Variants in CELSR3 observed in about 807,000 individuals in gnomAD.
CELSR3 encodes the protein EGF-like protein 1.
Under a neutral mutation model 270.0 loss-of-function variants are expected in CELSR3, and 73 were observed. That is an observed-to-expected ratio of 0.27 (90% CI 0.22 to 0.33). The LOEUF (loss-of-function observed/expected upper bound fraction) is 0.33. CELSR3 is among the 10% of genes least tolerant of loss of function. The pLI, the probability that CELSR3 is intolerant of heterozygous loss-of-function variation, is 1.00. For synonymous variants in CELSR3, 1,780 were observed against 1,905.4 expected, an observed-to-expected ratio of 0.93 and a Z score of 1.71; for missense variants, 3,614 against 4,533.8, an observed-to-expected ratio of 0.80 and a Z score of 5.83.
In CELSR3 at chr3:48,640,176, G is replaced by A. The variant is rs910673857; in HGVS notation, c.9409C>T (p.Arg3137Cys). ...TCGAGCGCATCCCGTGACCCGAAGC[G>A]GCCAGCCATGGCGCCAGGGTAGTCC... is the stretch of plus-strand genomic sequence containing the variant. ...PRDYPGAMAG[R>C]FGSRDALDLG... The change falls in exon 34 of 35, where the codon CGC (arginine) becomes TGC (cysteine). Residue 3137 changes from arginine to cysteine, a missense_variant. This residue lies in a region of CELSR3 where 1,240 missense variants were observed against 1,351.7 expected (regional missense o/e 0.92). Transcript: ENST00000164024. The surrounding 1 kb of genome is among the most constrained non-coding windows in gnomAD (Gnocchi z 7.5). 8.1e-6 allele frequency: 13 copies of A among 1,612,582 alleles called. No individual in the cohort carries two copies. Among genetic ancestry groups the A allele is most frequent in the Admixed American group, 3.3e-5 (2 of 59,996 alleles).
In CELSR3 at chr3:48,651,405, C is replaced by G. The variant is rs771824795; in HGVS notation, c.6140G>C (p.Gly2047Ala). The change falls in exon 14 of 35, where the codon GGT (glycine) becomes GCT (alanine). Residue 2047 changes from glycine (G) to alanine (A), a missense_variant. Gly to Ala is a moderately conservative substitution (Grantham distance 60). This residue lies in a region of CELSR3 where 1,331 missense variants were observed against 1,933.7 expected (regional missense o/e 0.69). Transcript: ENST00000164024. This position sits in a 1 kb window ranked among gnomAD's most constrained non-coding sequence, Gnocchi z 7.4. The part of the protein sequence containing the change: ...CGPCNCDVHK[G>A]FDPNCNKTNG... ...TGTCTTGTTGCAGTTGGGATCAAAA[C>G]CTTTGTGAACATCACAGTTGCAGGG... 1.2e-6 allele frequency: 2 copies of G among 1,614,062 alleles called. No individual in the cohort carries two copies. The highest frequency in any genetic ancestry group is 1.7e-6 in the Non-Finnish European group (2 of 1,179,962).
At position 48,645,242 on chromosome 3, in the gene CELSR3, T is replaced by C; in HGVS notation, c.7798-33A>G. ...CAGGGGGGCGTGTCAGGACCTCTCC[T>C]GCCTCACCCACCTCTGACCCCTACC... On this transcript the variant is annotated intron_variant, in intron 24 of 34. Transcript: ENST00000164024. This position sits in a 1 kb window ranked among gnomAD's most constrained non-coding sequence, Gnocchi z 5.4. The C allele has an allele frequency of 1.9e-6, 3 of 1,555,326 alleles. No homozygotes were observed. The highest frequency in any genetic ancestry group is 2.6e-6 in the Non-Finnish European group (3 of 1,144,630).
In CELSR3 at chr3:48,645,905, A is replaced by G. The variant is rs529750475; in HGVS notation, c.7464-37T>C. ...GGGCAGTTAGACACAACTGTGACCC[A>G]GTGTCAGGCAGGGGTTTGTGAGAGA... On this transcript the variant is annotated intron_variant, in intron 22 of 34. Coordinates refer to ENST00000164024, the MANE Select transcript of CELSR3 (RefSeq NM_001407.3). The surrounding 1 kb of genome is among the most constrained non-coding windows in gnomAD (Gnocchi z 5.4). The G allele has an allele frequency of 6.3e-7, 1 of 1,582,008 alleles. No individual in the cohort carries two copies. The highest frequency in any genetic ancestry group is 1.7e-5 in the Admixed American group (1 of 59,040).
Position 48,645,596 on chromosome 3 carries a change from A to G in CELSR3, c.7644T>C (p.Ala2548=). The G allele has an allele frequency of 6.2e-7, 1 of 1,612,428 alleles. No homozygotes were observed. The highest frequency in any genetic ancestry group is 8.5e-7 in the Non-Finnish European group (1 of 1,179,732). Residue 2548 remains alanine, a synonymous_variant, in exon 24 of 35, where the codon GCT becomes GCC. Transcript: ENST00000164024. The surrounding 1 kb of genome is among the most constrained non-coding windows in gnomAD (Gnocchi z 5.4). Reference sequence around the variant, plus strand: ...TCAGCACCAGCGCAGCCACAGACACAGCCACGACCACGTGGGTGAACACAG... The same window carrying G: ...TCAGCACCAGCGCAGCCACAGACACGGCCACGACCACGTGGGTGAACACAG... ...LLAVFTHVVV[A]VSVAALVLTA...
rs1459410749 is a variant in CELSR3 at position 48,655,830 on chromosome 3, G to T, written c.4647C>A (p.Ser1549Arg). Residue 1549 changes from serine to arginine, a missense_variant, in exon 4 of 35, where the codon AGC (serine) becomes AGA (arginine). Ser to Arg is a moderately radical substitution (Grantham distance 110). This residue lies in a region of CELSR3 where 1,331 missense variants were observed against 1,933.7 expected (regional missense o/e 0.69). Coordinates refer to ENST00000164024, the MANE Select transcript of CELSR3 (RefSeq NM_001407.3). This position sits in a 1 kb window ranked among gnomAD's most constrained non-coding sequence, Gnocchi z 5.8. ...GGCGCCCGTTGTAGAAGAGCAGCCC[G>T]CTCTGCTGCACTGTCGCGAACCTGG... is the stretch of plus-strand genomic sequence containing the variant. ...LSLSFATVQQ[S>R]GLLFYNGRLN... 6.3e-7 allele frequency: 1 copy of T among 1,586,838 alleles called. No homozygotes were observed. Among genetic ancestry groups the T allele is most frequent in the East Asian group, 2.3e-5 (1 of 42,968 alleles).
Position 48,638,032 on chromosome 3 carries a change from G to C in CELSR3, c.*173C>G. On this transcript the variant is annotated 3_prime_UTR_variant, in exon 35 of 35. Transcript: ENST00000164024. ...TCCCCCGTCTCTGCACCTGTCACACGCATGCTCACAGATGCACATGGAGCC... is the reference window on the plus strand; with the variant it reads ...TCCCCCGTCTCTGCACCTGTCACACCCATGCTCACAGATGCACATGGAGCC... 5.0e-6 allele frequency: 3 copies of C among 601,208 alleles called. No individual in the cohort carries two copies. The highest frequency in any genetic ancestry group is 6.1e-6 in the Non-Finnish European group (2 of 325,478). The allele number at this position is 601,208 out of a possible 1,614,324, so 37.2% of individuals were successfully genotyped here.
rs1333198323 is a variant in CELSR3 at position 48,657,971 on chromosome 3, T to C, written c.3749-623A>G. ...TCCAGGGGGGTCTTGAACCCTGACA[T>C]ACACACACACACACACACACCAGCA... On this transcript the variant is annotated intron_variant, in intron 1 of 34. Coordinates refer to ENST00000164024, the MANE Select transcript of CELSR3 (RefSeq NM_001407.3). This position sits in a 1 kb window ranked among gnomAD's most constrained non-coding sequence, Gnocchi z 5.4. Among the ~76,000 whole-genome samples the C allele has an allele frequency of 1.3e-5, 2 of 149,828 alleles. No homozygotes were observed. The highest frequency in any genetic ancestry group is 6.7e-5 in the Admixed American group (1 of 15,018).
chr3:48,660,495 G>T lies in CELSR3; in HGVS notation c.2140C>A (p.Leu714Met), dbSNP rs2077058354. The part of the protein sequence containing the change: ...ATGWVSVSGP[L>M]DRESVEHYFF... ...TAATGCTCCACAGACTCACGGTCCA[G>T]GGGACCACTCACAGAGACCCAGCCA... The change falls in exon 1 of 35, where the codon CTG becomes ATG. Residue 714 changes from leucine to methionine, a missense_variant. Leu to Met is a conservative substitution (Grantham distance 15). Coordinates refer to ENST00000164024, the MANE Select transcript of CELSR3 (RefSeq NM_001407.3). This position sits in a 1 kb window ranked among gnomAD's most constrained non-coding sequence, Gnocchi z 5.5. 1.2e-6 allele frequency: 2 copies of T among 1,614,130 alleles called. No homozygotes were observed. Among genetic ancestry groups the T allele is most frequent in the East Asian group, 4.5e-5 (2 of 44,878 alleles).
chr3:48,662,503 T>C lies in CELSR3; in HGVS notation c.132A>G (p.Pro44=), dbSNP rs2077076557. 6.2e-7 allele frequency: 1 copy of C among 1,612,310 alleles called. No individual in the cohort carries two copies. The highest frequency in any genetic ancestry group is 8.5e-7 in the Non-Finnish European group (1 of 1,179,652). The change falls in exon 1 of 35, where the codon CCA becomes CCG. Residue 44 remains proline (P), a synonymous_variant. Transcript: ENST00000164024. The surrounding 1 kb of genome is among the most constrained non-coding windows in gnomAD (Gnocchi z 7.1). ...TTGGCCCCGTAGTGGCAGCTAAGCC[T>C]GGGTCCCAGCCCTGGTGCCCACCGC... ...LGGGGHQGWD[P]GLAATTGPRA...
In CELSR3 at chr3:48,638,244, T is replaced by C. The variant is rs2046990552; in HGVS notation, c.9912-12A>G. ...CACTTCTGGGAACTCTGGAGGCACA[T>C]GAGGAAATCAGAGGTTGATGCCCAG... On this transcript the variant is annotated splice_polypyrimidine_tract_variant and intron_variant, in intron 34 of 34. Transcript: ENST00000164024. The C allele has an allele frequency of 2.5e-6, 4 of 1,611,242 alleles. No homozygotes were observed. Among genetic ancestry groups the C allele is most frequent in the Non-Finnish European group, 3.4e-6 (4 of 1,177,730 alleles).
Position 48,645,705 on chromosome 3 carries a change from A to AC in CELSR3, c.7590+36dup, listed in dbSNP as rs747985970. ...TGGGCAGAATCCCCGTGTCCCTTTG[A>AC]CCCCCCACTTCCTTGGGACACTGAA... On this transcript the variant is annotated intron_variant, in intron 23 of 34. Coordinates refer to ENST00000164024, the MANE Select transcript of CELSR3 (RefSeq NM_001407.3). The surrounding 1 kb of genome is among the most constrained non-coding windows in gnomAD (Gnocchi z 5.4). 18 of 1,598,790 alleles carry AC rather than the reference A, an allele frequency of 1.1e-5. No homozygotes were observed. The Admixed American group carries it at 1.2e-4, about 10-fold the overall frequency.
In CELSR3 at chr3:48,644,955, T is replaced by G. The variant is rs893087096; in HGVS notation, c.7972+80A>C. The G allele has an allele frequency of 6.5e-7, 1 of 1,535,552 alleles. No homozygotes were observed. Among genetic ancestry groups the G allele is most frequent in the East Asian group, 2.3e-5 (1 of 43,830 alleles). On this transcript the variant is annotated intron_variant, in intron 25 of 34. Transcript: ENST00000164024. The surrounding 1 kb of genome is among the most constrained non-coding windows in gnomAD (Gnocchi z 4.8). ...GAATAGATGGCTTGGGGTTTGAGGT[T>G]GGGGGTCATGAGCAGGAGTGGGGAC...
In CELSR3 at chr3:48,650,360, C is replaced by A. The variant is rs1042988280; in HGVS notation, c.6472+120G>T. 10 of 805,578 alleles carry A rather than the reference C, an allele frequency of 1.2e-5. No individual in the cohort carries two copies. The highest frequency in any genetic ancestry group is 1.9e-5 in the Non-Finnish European group (9 of 470,886). 49.9% of individuals were successfully genotyped at this position (805,578 alleles called of 1,614,324 possible). On this transcript the variant is annotated intron_variant, in intron 16 of 34. Transcript: ENST00000164024. The surrounding 1 kb of genome is among the most constrained non-coding windows in gnomAD (Gnocchi z 5.1). ...AGGGAGGGGCCCACATGGACTCCCA[C>A]CCCACTTCCACCTCTTTGCAGGAAC...
In CELSR3 at chr3:48,655,946, G is replaced by T. The variant is rs925122811; in HGVS notation, c.4626-95C>A. 72 of 1,205,962 alleles carry T rather than the reference G, an allele frequency of 6.0e-5. No homozygotes were observed. Among genetic ancestry groups the T allele is most frequent in the Non-Finnish European group, 7.2e-5 (61 of 841,798 alleles). The allele number at this position is 1,205,962 out of a possible 1,614,324, so 74.7% of individuals were successfully genotyped here. On this transcript the variant is annotated intron_variant, in intron 3 of 34. Coordinates refer to ENST00000164024, the MANE Select transcript of CELSR3 (RefSeq NM_001407.3). This position sits in a 1 kb window ranked among gnomAD's most constrained non-coding sequence, Gnocchi z 5.8. Reference sequence around the variant, plus strand: ...CCCTGCGAGGAGAAGGGGCTGGGGCGAGAGAGGAAGCGACGAGGGACGGCG... The same window carrying T: ...CCCTGCGAGGAGAAGGGGCTGGGGCTAGAGAGGAAGCGACGAGGGACGGCG...
chr3:48,647,791 G>A (rs764852752), intron 20 of CELSR3, 50 bp downstream of exon 20: 1 of 1,579,138 alleles, frequency 6.3e-7, no homozygotes, highest in South Asian at 1.1e-5. Context: ...TATCTGGTTG[G>A]GGGGACAGAG....
In CELSR3 at chr3:48,644,961, T is replaced by C; in HGVS notation, c.7972+74A>G. On this transcript the variant is annotated intron_variant, in intron 25 of 34. Transcript: ENST00000164024. The surrounding 1 kb of genome is among the most constrained non-coding windows in gnomAD (Gnocchi z 4.8). ...ATGGCTTGGGGTTTGAGGTTGGGGG[T>C]CATGAGCAGGAGTGGGGACAGGGTC... 1.3e-6 allele frequency: 2 copies of C among 1,540,050 alleles called. No homozygotes were observed. Among genetic ancestry groups the C allele is most frequent in the South Asian group, 1.2e-5 (1 of 82,486 alleles).
At position 48,655,728 on chromosome 3, in the gene CELSR3, G is replaced by A; in HGVS notation, c.4741+8C>T. ...GCACCCTTTCGCCGTCACATCCGGG[G>A]CACCCACCCGTGGAATATGTGAGCC... On this transcript the variant is annotated splice_region_variant and intron_variant, in intron 4 of 34. Transcript: ENST00000164024. The surrounding 1 kb of genome is among the most constrained non-coding windows in gnomAD (Gnocchi z 5.8). 6.2e-7 allele frequency: 1 copy of A among 1,610,510 alleles called. No individual in the cohort carries two copies. Among genetic ancestry groups the A allele is most frequent in the Non-Finnish European group, 8.5e-7 (1 of 1,177,060 alleles).
In CELSR3 at chr3:48,640,452, C is replaced by T. The variant is rs1261300010; in HGVS notation, c.9133G>A (p.Ala3045Thr). 16 of 1,612,496 alleles carry T rather than the reference C, an allele frequency of 9.9e-6. No individual in the cohort carries two copies. Among genetic ancestry groups the T allele is most frequent in the Admixed American group, 1.7e-5 (1 of 60,004 alleles). The change falls in exon 34 of 35, where the codon GCC (alanine) becomes ACC (threonine). Residue 3045 changes from alanine to threonine, a missense_variant. Ala to Thr is a moderately conservative substitution (Grantham distance 58). Around this residue, in one of 7 missense-constraint regions of CELSR3, gnomAD observed 1,240 missense variants for 1,351.7 expected, o/e 0.92. Coordinates refer to ENST00000164024, the MANE Select transcript of CELSR3 (RefSeq NM_001407.3). The surrounding 1 kb of genome is among the most constrained non-coding windows in gnomAD (Gnocchi z 7.5). The stretch of plus-strand genomic sequence containing the variant: ...CCAGCATAGATGCGACCGTAAGAGG[C>T]AGCTGGCACAGCACGGTGGCCCAAG... Reference protein sequence around the residue: ...ATLGHRAVPAASYGRIYAGGG... With the variant: ...ATLGHRAVPATSYGRIYAGGG...
At position 48,636,884 on chromosome 3, in the gene CELSR3, G is replaced by A. The variant is rs886913406; in HGVS notation, c.*1321C>T. Reference sequence around the variant, plus strand: ...TAAACGGGACTCAAGGCTGACCTTCGGCCTGGGAGACCTGGGGGTTAGAAA... The same window carrying A: ...TAAACGGGACTCAAGGCTGACCTTCAGCCTGGGAGACCTGGGGGTTAGAAA... On this transcript the variant is annotated 3_prime_UTR_variant, in exon 35 of 35. Transcript: ENST00000164024. The A allele has an allele frequency of 6.6e-6, 1 of 152,124 alleles. No individual in the cohort carries two copies. Among genetic ancestry groups the A allele is most frequent in the African/African-American group, 2.4e-5 (1 of 41,404 alleles). The allele number at this position is 152,124 out of a possible 1,614,324, so 9.4% of individuals were successfully genotyped here. A position where few individuals can be genotyped will look rare whatever the true frequency, so the allele number is the denominator to read the frequency against.
Sources: allele counts gnomAD v4.1 joint callset (sites outside exome capture counted in the v4.1 genomes callset), GRCh38; gene constraint gnomAD v4.1.1; regional missense constraint gnomAD v4.1.1; non-coding constraint Gnocchi (gnomAD v3.1); transcripts MANE v1.5; gene names NCBI Gene and HGNC (gene_info 2026-07-23, HGNC 2026-07-21).